The following CFAP52 variants were observed in gnomAD, a reference collection of about 807,000 sequenced individuals.
CFAP52 encodes the protein cilia and flagella associated protein 52, also known as cilia- and flagella-associated protein 52.
CFAP52 carries 57 observed loss-of-function variants against 70.5 expected under a neutral mutation model. The ratio of observed to expected loss-of-function variants is 0.81; its 90% CI spans 0.65 to 1.01. The LOEUF is 1.01. Ranked by LOEUF, CFAP52 falls within the 50% of genes least tolerant of loss-of-function variation. CFAP52 has a pLI of 0.00. For synonymous variants in CFAP52, 267 were observed against 292.5 expected, an observed-to-expected ratio of 0.91 and a Z score of 0.89; for missense variants, 785 against 788.5, an observed-to-expected ratio of 1.00 and a Z score of 0.05.
Position 9,643,295 on chromosome 17 carries a change from T to G in CFAP52, c.*97T>G. On this transcript the variant is annotated 3_prime_UTR_variant, in exon 14 of 14. Coordinates refer to ENST00000352665, the MANE Select transcript of CFAP52 (RefSeq NM_145054.5). ...CACTAGTCTTCATTTCTCACAGCTC[T>G]GTTTTTGTTCTTGAGTCAATTTTTC... 2 of 1,149,428 alleles carry G rather than the reference T, an allele frequency of 1.7e-6. No homozygotes were observed. The highest frequency in any genetic ancestry group is 2.3e-6 in the Non-Finnish European group (2 of 873,180). The allele number at this position is 1,149,428 out of a possible 1,614,324, so 71.2% of individuals were successfully genotyped here.
chr17:9,643,762 G>T (rs1911195769), downstream of CFAP52, among the ~76,000 whole-genome samples: 1 of 152,228 alleles, frequency 6.6e-6, no homozygotes, highest in Non-Finnish European at 1.5e-5. Flanking sequence ...AGGGTAGAGA[G>T]AAATATGCAT....
At chr17:9,631,557 G>A (rs985633146) in intron 9 of CFAP52, among the ~76,000 whole-genome samples, 2 of 152,106 alleles carry the variant, frequency 1.3e-5, no homozygotes, top group Non-Finnish European at 2.9e-5. Flanking sequence ...CCCTCAGGAG[G>A]GAGATCGCTT....
chr17:9,613,518 G>T (rs1909789665), intron 8 of CFAP52, among the ~76,000 whole-genome samples: 1 of 151,316 alleles, frequency 6.6e-6, no homozygotes, highest in South Asian at 2.1e-4. Context: ...TTGTTTGTTT[G>T]TTTGTTTGTT....
At chr17:9,638,070 T>C (rs1387709360) in intron 11 of CFAP52, among the ~76,000 whole-genome samples, 1 of 152,204 alleles carries the variant, frequency 6.6e-6, no homozygotes, top group African/African-American at 2.4e-5. Flanking sequence ...TTCCGAGGGT[T>C]GTGCATGATA....
chr17:9,584,247 T>C (rs1908346110), intron 1 of CFAP52: 1 of 1,279,726 alleles, frequency 7.8e-7, no homozygotes, highest in Non-Finnish European at 1.0e-6. Context: ...ATAATTACAT[T>C]CAAGCATACA....
At chr17:9,639,015 G>C (rs1910935274) in intron 12 of CFAP52, 1 of 302,038 alleles carries the variant, frequency 3.3e-6, no homozygotes, top group Non-Finnish European at 6.2e-6. Context: ...TATTATTAGG[G>C]AATTTCTGAG....
At chr17:9,634,882 T>G (rs1337963799) in intron 10 of CFAP52, among the ~76,000 whole-genome samples, 1 of 152,230 alleles carries the variant, frequency 6.6e-6, no homozygotes, top group East Asian at 1.9e-4. Context: ...CCTATGAATT[T>G]CACTCCAGGA....
chr17:9,586,558 T>G, intron 2 of CFAP52, 140 bp from the exon 3 acceptor site: 2 of 1,113,714 alleles, frequency 1.8e-6, no homozygotes, highest in Non-Finnish European at 2.4e-6. Context: ...AGAGTGAGAC[T>G]CCGTCTCAAC....
chr17:9,586,882 T>G lies in CFAP52; in HGVS notation c.407+48T>G, dbSNP rs781696715. On this transcript the variant is annotated intron_variant, in intron 3 of 13. Coordinates refer to ENST00000352665, the MANE Select transcript of CFAP52 (RefSeq NM_145054.5). ...TTATTTTCTTTATTTTTTTTAACTT[T>G]TATTTCAGGTTCAGACGTACATGTG... 2.0e-6 allele frequency: 3 copies of G among 1,525,318 alleles called. No homozygotes were observed. In the African/African-American group the frequency reaches 4.2e-5, roughly 22 times the overall value. 94.5% of individuals were successfully genotyped at this position (1,525,318 alleles called of 1,614,324 possible).
intron 2 of CFAP52, 102 bp from the exon 3 acceptor site, chr17:9,586,596 A>T: frequency 7.2e-7 from 1 of 1,387,106 alleles, no homozygotes; most frequent in South Asian, 1.7e-5. Context: ...GAAAGAAAAA[A>T]GAAAAGTGAC....
At chr17:9,638,777 G>T in intron 12 of CFAP52, 66 bp downstream of exon 12, 4 of 1,507,546 alleles carry the variant, frequency 2.7e-6, no homozygotes, top group Non-Finnish European at 3.7e-6. Context: ...GCGTTGTGGT[G>T]GAGGGTGCGG....
At chr17:9,644,904 T>A (rs1378592940), downstream of CFAP52, 1 of 152,144 alleles carries the variant, frequency 6.6e-6, no homozygotes, top group Non-Finnish European at 1.5e-5. Context: ...GTCTTGCAAG[T>A]TTTTGGAAAA....
downstream of CFAP52, chr17:9,644,990 G>A (rs898392027): frequency 6.6e-6 from 1 of 152,214 alleles, no homozygotes; most frequent in African/African-American, 2.4e-5. Context: ...GCAACACGTG[G>A]CTCCCAGTTC....
At chr17:9,604,458 C>T (rs930708541) in intron 6 of CFAP52, among the ~76,000 whole-genome samples, 3 of 152,098 alleles carry the variant, frequency 2.0e-5, no homozygotes, top group African/African-American at 7.2e-5. Context: ...TTAACTGCCA[C>T]CTCCCCTAAA....
chr17:9,596,072 T>TATATATATATATATATGTACAC (rs1909001153), intron 4 of CFAP52, among the ~76,000 whole-genome samples: 1 of 129,806 alleles, frequency 7.7e-6, no homozygotes. Context: ...TATATATATA[T>TATATATATATATATATGTACAC]ATATATATAT....
At chr17:9,599,159 T>C (rs530769480) in intron 5 of CFAP52, among the ~76,000 whole-genome samples, 1 of 152,344 alleles carries the variant, frequency 6.6e-6, no homozygotes, top group East Asian at 1.9e-4. Flanking sequence ...AGTATTTGCA[T>C]TATACTTCCA....
Position 9,628,816 on chromosome 17 carries a change from T to A in CFAP52, c.1170T>A (p.Ile390=). The A allele has an allele frequency of 5.6e-6, 9 of 1,614,066 alleles. No homozygotes were observed. Among genetic ancestry groups the A allele is most frequent in the Non-Finnish European group, 7.6e-6 (9 of 1,179,978 alleles). ...IDFMRDGKSI[I]SAWNDGKIRA... ...TCATGAGGGACGGCAAAAGCATCAT[T>A]TCAGGTAACGTCCACATGTCAAGAT... Residue 390 remains isoleucine (I), a synonymous_variant, in exon 9 of 14, where the codon ATT becomes ATA. Transcript: ENST00000352665.
At chr17:9,597,803 A>AAGAGAGAGAGAG (rs10548437) in intron 4 of CFAP52, among the ~76,000 whole-genome samples, 96 of 139,120 alleles carry the variant, frequency 6.9e-4, no homozygotes, top group African/African-American at 2.5e-3. Context: ...CTCTGTCAGA[A>AAGAGAGAGAGAG]AGAGAGAGAG....
intron 9 of CFAP52, among the ~76,000 whole-genome samples, chr17:9,631,039 AGAGAGAG>A (rs1567634878): frequency 1.2e-5 from 1 of 84,854 alleles, no homozygotes; most frequent in East Asian, 5.5e-4. Context: ...AGAGAGAGAG[AGAGAGAG>A]AGAGAGAGAA....
Sources: allele counts gnomAD v4.1 joint callset (sites outside exome capture counted in the v4.1 genomes callset), GRCh38; gene constraint gnomAD v4.1.1; transcripts MANE v1.5; gene names NCBI Gene and HGNC (gene_info 2026-07-23, HGNC 2026-07-21).